Variants in ANO1 observed in about 807,000 individuals in gnomAD.
ANO1 encodes anoctamin 1, also known as anoctamin-1.
A neutral mutation model predicts 124.0 loss-of-function variants in ANO1; 59 were observed. The observed-to-expected ratio is 0.48, with a 90% CI of 0.39 to 0.59. The LOEUF is 0.59. Ranked by LOEUF, ANO1 falls within the 20% of genes least tolerant of loss-of-function variation. The probability of loss-of-function intolerance (pLI) is 0.00; values close to 1 mark genes in which losing one functional copy is unlikely to be tolerated. For synonymous variants in ANO1, 529 were observed against 532.0 expected (o/e 0.99, Z 0.08); for missense variants, 1,059 against 1,328.0 (o/e 0.80, Z 3.15).
chr11:70,091,003 C>T (rs1268794169), intron 2 of ANO1, among the ~76,000 whole-genome samples: 1 of 152,194 alleles, frequency 6.6e-6, no homozygotes, highest in Non-Finnish European at 1.5e-5. Context: ...CTGCACCAGC[C>T]CCTAGGGCTG....
At chr11:70,186,326 G>A (rs2049117316) in intron 25 of ANO1, among the ~76,000 whole-genome samples, 1 of 149,204 alleles carries the variant, frequency 6.7e-6, no homozygotes, top group South Asian at 2.2e-4. Context: ...AAGGAGAGGA[G>A]GAGGAGGAGG....
chr11:70,105,940 C>A (rs147598805), intron 5 of ANO1, among the ~76,000 whole-genome samples, 152 bp downstream of exon 5: 8 of 151,856 alleles, frequency 5.3e-5, no homozygotes, highest in African/African-American at 1.9e-4. Context: ...GAGAGGGCAA[C>A]GAGGGGCCCA....
At chr11:70,169,866 C>A in intron 21 of ANO1, 1 of 231,632 alleles carries the variant, frequency 4.3e-6, no homozygotes, top group South Asian at 5.3e-5. Context: ...TGCTGGCTTC[C>A]TTGTTTACCG....
rs528884122 is a variant in ANO1 at position 70,019,196 on chromosome 11, C to A, written c.58+33030C>A. Reference sequence around the variant, plus strand: ...GTTTAGCAGTGATCAAAATAGTGTGCTGTTCTCCTGCACCTTGGGATGCAG... The same window carrying A: ...GTTTAGCAGTGATCAAAATAGTGTGATGTTCTCCTGCACCTTGGGATGCAG... On this transcript the variant is annotated intron_variant, in intron 1 of 27. Transcript: ENST00000531349. 4.6e-5 allele frequency among the ~76,000 whole-genome samples: 7 copies of A among 151,304 alleles called. No individual in the cohort carries two copies. In the South Asian group the frequency reaches 1.5e-3, roughly 32 times the overall value.
the ANO1 span, among the ~76,000 whole-genome samples, chr11:69,970,208 C>T: frequency 9.9e-5 from 15 of 152,238 alleles, no homozygotes; most frequent in African/African-American, 3.6e-4. Context: ...CGAGGAGACC[C>T]CAAAGAGGTG....
chr11:70,055,999 T>G (rs1030322895), intron 1 of ANO1, among the ~76,000 whole-genome samples: 1 of 152,104 alleles, frequency 6.6e-6, no homozygotes, highest in Non-Finnish European at 1.5e-5. Context: ...TGTTTATTTT[T>G]GTCATGTATT....
intron 2 of ANO1, among the ~76,000 whole-genome samples, chr11:70,095,212 AAG>A (rs5792509): frequency 0.44 from 43,841 of 100,160 alleles, 10,040 homozygotes; most frequent in Admixed American, 0.52. Context: ...TCAAAAAAGA[AAG>A]AGAGAGAGAG....
chr11:70,110,184 C>CTTTTTT (rs923690897), intron 6 of ANO1, among the ~76,000 whole-genome samples: 51 of 117,872 alleles, frequency 4.3e-4, no homozygotes, highest in Non-Finnish European at 6.2e-4. Context: ...TGTTCACTTT[C>CTTTTTT]TTTTTTTTTT....
intron 11 of ANO1, among the ~76,000 whole-genome samples, chr11:70,133,993 G>A (rs987920391): frequency 2.6e-5 from 4 of 152,222 alleles, no homozygotes; most frequent in African/African-American, 7.2e-5. Context: ...CATGGGTGCC[G>A]GCAATGGTGA....
chr11:70,179,903 C>T, intron 22 of ANO1, 101 bp from the exon 23 acceptor site: 2 of 1,087,120 alleles, frequency 1.8e-6, no homozygotes, highest in Admixed American at 1.7e-5. Context: ...TGTGAGAAAG[C>T]CTGGCCCCTG....
chr11:70,113,606 TAGAGCTACATCCA>T (rs1236538643), intron 7 of ANO1, among the ~76,000 whole-genome samples: 1 of 152,116 alleles, frequency 6.6e-6, no homozygotes, highest in East Asian at 1.9e-4. Context: ...GAAGGCAGCC[TAGAGCTACATCCA>T]TGCTCCTGAT....
intron 6 of ANO1, chr11:70,111,022 G>T (rs967907248): frequency 2.4e-6 from 1 of 422,064 alleles, no homozygotes; most frequent in Non-Finnish European, 4.8e-6. Context: ...GCACTGGACG[G>T]CTGTGAGTCC....
chr11:70,076,126 CAG>C (rs2044053687), upstream of ANO1, among the ~76,000 whole-genome samples: 1 of 152,158 alleles, frequency 6.6e-6, no homozygotes, highest in African/African-American at 2.4e-5. Context: ...CGAGAGGAAA[CAG>C]AATGTGGGGA....
chr11:70,076,477 G>T (rs1257251251), upstream of ANO1, among the ~76,000 whole-genome samples: 1 of 151,956 alleles, frequency 6.6e-6, no homozygotes, highest in African/African-American at 2.4e-5. Flanking sequence ...AGCTCTGGAA[G>T]GTCTGTTGGC....
intron 19 of ANO1, 134 bp downstream of exon 19, chr11:70,163,474 A>C (rs1488651244): frequency 8.7e-7 from 1 of 1,146,684 alleles, no homozygotes; most frequent in African/African-American, 1.5e-5. Flanking sequence ...TTCTTGCTGG[A>C]AACTTTTCTG....
At chr11:70,085,790 C>T in intron 1 of ANO1, 6 of 1,247,620 alleles carry the variant, frequency 4.8e-6, no homozygotes, top group Non-Finnish European at 6.4e-6. Context: ...GCAGTGCTGA[C>T]TGTTTGGGGA....
At chr11:69,987,551 GC>G (rs2120279466) in intron 1 of ANO1, among the ~76,000 whole-genome samples, 1 of 146,460 alleles carries the variant, frequency 6.8e-6, no homozygotes, top group South Asian at 2.1e-4. Flanking sequence ...CCCGCAGTGT[GC>G]CTAGATCTTG....
At chr11:69,983,343 C>T (rs1490561194), upstream of ANO1, among the ~76,000 whole-genome samples, 8 of 152,228 alleles carry the variant, frequency 5.3e-5, no homozygotes, top group Non-Finnish European at 7.4e-5. Context: ...CTCGCCGCCT[C>T]GCCAAAAAGG....
At chr11:70,003,154 C>G (rs889251223) in intron 1 of ANO1, among the ~76,000 whole-genome samples, 7 of 152,030 alleles carry the variant, frequency 4.6e-5, no homozygotes, top group Non-Finnish European at 5.9e-5. Flanking sequence ...ATTTACAGAC[C>G]AATTTAAAAT....
Sources: gnomAD v4.1 joint callset for allele counts (sites outside exome capture counted in the v4.1 genomes callset) on GRCh38, gnomAD v4.1.1 for gene constraint, MANE v1.5 for transcripts, NCBI Gene and HGNC (gene_info 2026-07-23, HGNC 2026-07-21) for gene names.